The following ATF6 variants were observed in gnomAD, a reference collection of about 807,000 sequenced individuals.
The protein encoded by ATF6 is cyclic AMP-dependent transcription factor ATF-6 alpha.
In ATF6, 53 loss-of-function variants were observed where a neutral mutation model predicts 83.6. The ratio of observed to expected loss-of-function variants is 0.63; its 90% CI spans 0.51 to 0.80. The LOEUF is 0.80. ATF6 is among the 30% of genes least tolerant of loss of function. The pLI, the probability that ATF6 is intolerant of heterozygous loss-of-function variation, is 0.00. For synonymous variants in ATF6, 288 were observed against 285.8 expected (o/e 1.01, Z -0.08); for missense variants, 744 against 797.9 (o/e 0.93, Z 0.81).
chr1:161,956,601 G>A (rs911406402), intron 15 of ATF6, among the ~76,000 whole-genome samples: 14 of 152,208 alleles, frequency 9.2e-5, no homozygotes, highest in African/African-American at 3.1e-4. Context: ...CGGTCTTAAA[G>A]AATAGGTAGG....
chr1:161,770,283 T>C (rs1684354131), intron 1 of ATF6, among the ~76,000 whole-genome samples: 1 of 152,210 alleles, frequency 6.6e-6, no homozygotes, highest in South Asian at 2.1e-4. Flanking sequence ...TAAATAGTAT[T>C]ACAAAAATAC....
intron 15 of ATF6, among the ~76,000 whole-genome samples, chr1:161,913,511 A>G (rs1688032553): frequency 6.6e-6 from 1 of 152,196 alleles, no homozygotes; most frequent in Non-Finnish European, 1.5e-5. Flanking sequence ...AAGTAACTTC[A>G]TAGACATAAA....
intron 1 of ATF6, among the ~76,000 whole-genome samples, chr1:161,769,322 C>T (rs1684334645): frequency 6.6e-6 from 1 of 152,176 alleles, no homozygotes; most frequent in Non-Finnish European, 1.5e-5. Context: ...ACATACTTCC[C>T]CTTCATCCCC....
intron 9 of ATF6, among the ~76,000 whole-genome samples, chr1:161,831,958 G>A (rs200994616): frequency 0.12 from 17,283 of 146,072 alleles, 1,488 homozygotes; most frequent in East Asian, 0.31. Flanking sequence ...AAAAAAAAAA[G>A]AAAGAAAAAT....
rs1689107453 is a variant in ATF6, at chr1:161,961,822, T to G, written c.*3168T>G. 1 of 152,146 alleles carries G rather than the reference T, an allele frequency of 6.6e-6. No homozygotes were observed. The highest frequency in any genetic ancestry group is 2.1e-4 in the South Asian group (1 of 4,826). The allele number at this position is 152,146 out of a possible 1,614,324, so 9.4% of individuals were successfully genotyped here. ...AATAGTCTTTCTGCCTGGTTGCAAGTCCCAAATTTTTAAGGGTTAATGGAA... is the reference window on the plus strand; with the variant it reads ...AATAGTCTTTCTGCCTGGTTGCAAGGCCCAAATTTTTAAGGGTTAATGGAA... On this transcript the variant is annotated 3_prime_UTR_variant, in exon 16 of 16. Transcript: ENST00000367942.
intron 9 of ATF6, among the ~76,000 whole-genome samples, chr1:161,836,568 T>C (rs1686222511): frequency 6.6e-6 from 1 of 152,236 alleles, no homozygotes; most frequent in South Asian, 2.1e-4. Flanking sequence ...GTATTCATGT[T>C]TGTCAAAAAT....
intron 7 of ATF6, among the ~76,000 whole-genome samples, chr1:161,805,922 C>A (rs923867868): frequency 5.3e-5 from 8 of 152,024 alleles, no homozygotes; most frequent in Admixed American, 2.6e-4. Flanking sequence ...CAGAGGCCTG[C>A]TACAGCCATA....
chr1:161,811,691 A>C (rs1026187629), intron 7 of ATF6, among the ~76,000 whole-genome samples: 6 of 149,506 alleles, frequency 4.0e-5, no homozygotes, highest in Non-Finnish European at 8.9e-5. Context: ...TCCATCCACT[A>C]TCCATCCATC....
chr1:161,903,190 G>T (rs2341474), intron 14 of ATF6, among the ~76,000 whole-genome samples: 1 of 152,062 alleles, frequency 6.6e-6, no homozygotes, highest in African/African-American at 2.4e-5. Flanking sequence ...AAGGTACAGG[G>T]ATAGAGTAGA....
chr1:161,790,558 C>T (rs1347498020), intron 4 of ATF6, among the ~76,000 whole-genome samples: 1 of 151,946 alleles, frequency 6.6e-6, no homozygotes, highest in East Asian at 1.9e-4. Context: ...GCCTGTAATC[C>T]CAGCACGTTG....
intron 15 of ATF6, among the ~76,000 whole-genome samples, chr1:161,944,823 A>G (rs1358029586): frequency 6.6e-6 from 1 of 152,264 alleles, no homozygotes; most frequent in Non-Finnish European, 1.5e-5. Flanking sequence ...TGTTTGTACA[A>G]CATGGCCTGG....
chr1:161,894,611 A>G (rs2101873528), intron 14 of ATF6, among the ~76,000 whole-genome samples: 1 of 123,340 alleles, frequency 8.1e-6, no homozygotes, highest in South Asian at 2.7e-4. Flanking sequence ...ATCTTGGCTC[A>G]CTGCATCCTC....
chr1:161,949,523 G>T (rs1366461379), intron 15 of ATF6, among the ~76,000 whole-genome samples: 1 of 152,158 alleles, frequency 6.6e-6, no homozygotes, highest in Non-Finnish European at 1.5e-5. Context: ...ACCTGAGGCT[G>T]GGTAATATAT....
intron 7 of ATF6, among the ~76,000 whole-genome samples, chr1:161,810,348 C>G (rs908514106): frequency 4.1e-4 from 62 of 152,216 alleles, no homozygotes; most frequent in Admixed American, 1.4e-3. Context: ...GAGGGAAGTG[C>G]TACACACTTT....
intron 9 of ATF6, among the ~76,000 whole-genome samples, chr1:161,834,555 C>G (rs1686162979): frequency 1.4e-5 from 2 of 143,688 alleles, no homozygotes; most frequent in Non-Finnish European, 3.0e-5. Context: ...TGTTCTCACT[C>G]ATAGGTGGGA....
At chr1:161,924,213 G>A (rs1475417325) in intron 15 of ATF6, among the ~76,000 whole-genome samples, 1 of 152,090 alleles carries the variant, frequency 6.6e-6, no homozygotes, top group African/African-American at 2.4e-5. Context: ...AACTTTCTGT[G>A]GAGTGTTACA....
chr1:161,911,849 T>A (rs1325689832), intron 14 of ATF6, among the ~76,000 whole-genome samples: 1 of 152,216 alleles, frequency 6.6e-6, no homozygotes, highest in Non-Finnish European at 1.5e-5. Flanking sequence ...GAATGACTGT[T>A]TAGGGGAGAT....
intron 9 of ATF6, among the ~76,000 whole-genome samples, chr1:161,836,371 G>A (rs1571175742): frequency 1.3e-5 from 2 of 152,210 alleles, no homozygotes; most frequent in Non-Finnish European, 1.5e-5. Context: ...AAGTATACAC[G>A]GTTTTGTTCA....
At chr1:161,772,049 C>G (rs1011227604) in intron 1 of ATF6, among the ~76,000 whole-genome samples, 5 of 152,188 alleles carry the variant, frequency 3.3e-5, no homozygotes, top group African/African-American at 1.2e-4. Flanking sequence ...GCCTGTTTTA[C>G]CAGCTTACTT....
Sources: gnomAD v4.1 joint callset for allele counts (sites outside exome capture counted in the v4.1 genomes callset) on GRCh38, gnomAD v4.1.1 for gene constraint, MANE v1.5 for transcripts, NCBI Gene and HGNC (gene_info 2026-07-23, HGNC 2026-07-21) for gene names.